Variants in EFL1 observed in about 807,000 individuals in gnomAD.
EFL1 encodes the protein elongation factor like GTPase 1.
Under a neutral mutation model 126.7 loss-of-function variants are expected in EFL1, and 76 were observed. That is an observed-to-expected ratio of 0.60 (90% CI 0.50 to 0.73). The LOEUF (loss-of-function observed/expected upper bound fraction) is 0.73, where lower values mean the gene tolerates loss of function less well. EFL1 is among the 30% of genes least tolerant of loss of function. The pLI, the probability that EFL1 is intolerant of heterozygous loss-of-function variation, is 0.00. For synonymous variants in EFL1, 410 were observed against 448.4 expected (o/e 0.91, Z 1.08); for missense variants, 1,128 against 1,343.2 (o/e 0.84, Z 2.50).
chr15:82,201,627 G>A (rs575461632), intron 15 of EFL1, among the ~76,000 whole-genome samples: 2 of 143,650 alleles, frequency 1.4e-5, no homozygotes, highest in African/African-American at 2.6e-5. Context: ...CTTTGTATTT[G>A]TGAACCATTA....
At chr15:82,150,489 C>T (rs1429614140) in intron 18 of EFL1, among the ~76,000 whole-genome samples, 1 of 152,070 alleles carries the variant, frequency 6.6e-6, no homozygotes, top group Non-Finnish European at 1.5e-5. Flanking sequence ...GTTCTGGGCA[C>T]TGTATTTAAA....
At chr15:82,206,287 C>G (rs1171547026) in intron 15 of EFL1, among the ~76,000 whole-genome samples, 1 of 151,564 alleles carries the variant, frequency 6.6e-6, no homozygotes, top group Non-Finnish European at 1.5e-5. Flanking sequence ...AAAGATGATA[C>G]ATAATATATT....
intron 15 of EFL1, among the ~76,000 whole-genome samples, chr15:82,182,153 A>C (rs1200060024): frequency 1.3e-5 from 2 of 152,198 alleles, no homozygotes; most frequent in African/African-American, 4.8e-5. Context: ...AGCTGTCAGG[A>C]GGCTGAGGCA....
intron 15 of EFL1, among the ~76,000 whole-genome samples, chr15:82,168,931 T>C (rs891858647): frequency 6.6e-6 from 1 of 152,202 alleles, no homozygotes; most frequent in African/African-American, 2.4e-5. Flanking sequence ...GCTGGCTTAC[T>C]ATCTTTGTAT....
At chr15:82,220,048 T>C in intron 13 of EFL1, 30 bp downstream of exon 13, 1 of 1,570,686 alleles carries the variant, frequency 6.4e-7, no homozygotes, top group Non-Finnish European at 8.6e-7. Flanking sequence ...GCAAATACTT[T>C]GCAACAGAGC....
At chr15:82,220,396 T>C (rs2074699434) in intron 12 of EFL1, among the ~76,000 whole-genome samples, 167 bp from the exon 13 acceptor site, 1 of 152,140 alleles carries the variant, frequency 6.6e-6, no homozygotes, top group South Asian at 2.1e-4. Flanking sequence ...TATCAGCCTC[T>C]CTCTAATAAT....
intron 4 of EFL1, 39 bp downstream of exon 4, chr15:82,252,652 A>T: frequency 6.7e-7 from 1 of 1,496,752 alleles, no homozygotes; most frequent in Non-Finnish European, 9.3e-7. Context: ...GACATGAAAG[A>T]TGCAAAGCTG....
At chr15:82,139,262 T>C (rs919720861) in intron 18 of EFL1, among the ~76,000 whole-genome samples, 11 of 152,230 alleles carry the variant, frequency 7.2e-5, no homozygotes, top group Non-Finnish European at 1.2e-4. Context: ...TAAGATGGCA[T>C]AGGCTATTTG....
chr15:82,162,341 G>C (rs905803735), intron 16 of EFL1, among the ~76,000 whole-genome samples: 1 of 152,186 alleles, frequency 6.6e-6, no homozygotes, highest in African/African-American at 2.4e-5. Flanking sequence ...TTTTTAAAAT[G>C]TATGTGCAAA....
chr15:82,165,659 C>T (rs2074071849), intron 15 of EFL1, among the ~76,000 whole-genome samples: 2 of 152,188 alleles, frequency 1.3e-5, no homozygotes, highest in African/African-American at 4.8e-5. Flanking sequence ...TCCCCATCTC[C>T]ACACATCGTT....
At chr15:82,190,212 T>C (rs1455683837) in intron 15 of EFL1, among the ~76,000 whole-genome samples, 1 of 152,200 alleles carries the variant, frequency 6.6e-6, no homozygotes, top group Non-Finnish European at 1.5e-5. Context: ...CAGTATTGAA[T>C]CTGTTCCTCA....
intron 11 of EFL1, 151 bp from the exon 12 acceptor site, chr15:82,225,415 A>G (rs1314971196): frequency 1.7e-6 from 1 of 588,940 alleles, no homozygotes; most frequent in Non-Finnish European, 2.9e-6. Context: ...TATGATAAAA[A>G]TTTTAATTAG....
chr15:82,190,561 T>A (rs1480106991), intron 15 of EFL1, among the ~76,000 whole-genome samples: 1 of 152,210 alleles, frequency 6.6e-6, no homozygotes, highest in Non-Finnish European at 1.5e-5. Flanking sequence ...GTGTAAGTGT[T>A]CAAATCGGTG....
At chr15:82,224,475 G>A (rs115400396) in intron 12 of EFL1, among the ~76,000 whole-genome samples, 10,024 of 152,242 alleles carry the variant, frequency 0.066, 488 homozygotes, top group African/African-American at 0.12. Context: ...TCAAGACAGT[G>A]AGGATCATTA....
At chr15:82,145,844 C>A (rs113994853) in intron 18 of EFL1, among the ~76,000 whole-genome samples, 101 of 137,938 alleles carry the variant, frequency 7.3e-4, no homozygotes, top group South Asian at 1.4e-3. Context: ...CTCAAAAAAC[C>A]AAAAAAAAAA....
At position 82,225,192 on chromosome 15, in the gene EFL1, G is replaced by A. The variant is rs749068117; in HGVS notation, c.1265C>T (p.Ala422Val). ...IFVSKMFAVD[A>V]KALPQNKPRP... ...TGGCTTATTCTGAGGCAAGGCCTTA[G>A]CATCAACTGCAAACATTTTGGAAAC... is the stretch of plus-strand genomic sequence containing the variant. The change falls in exon 12 of 20, where the codon GCT (alanine) becomes GTT (valine). Residue 422 changes from alanine to valine, a missense_variant. By Grantham distance (64) the Ala-to-Val change is moderately conservative. Transcript: ENST00000268206. 10 of 1,611,550 alleles carry A rather than the reference G, an allele frequency of 6.2e-6. No individual in the cohort carries two copies. The highest frequency in any genetic ancestry group is 8.5e-6 in the Non-Finnish European group (10 of 1,179,218).
At chr15:82,174,178 G>C (rs968657162) in intron 15 of EFL1, 3 of 147,134 alleles carry the variant, frequency 2.0e-5, no homozygotes, top group Admixed American at 2.0e-4. Context: ...GACAGAGCGA[G>C]ACTCCTCTCA....
intron 15 of EFL1, among the ~76,000 whole-genome samples, chr15:82,170,197 C>T (rs555072140): frequency 3.6e-4 from 53 of 145,678 alleles, no homozygotes; most frequent in African/African-American, 1.3e-3. Context: ...TCACTGCAAG[C>T]TCCGCCTCCC....
intron 15 of EFL1, among the ~76,000 whole-genome samples, chr15:82,211,483 G>A (rs1303767820): frequency 6.7e-6 from 1 of 150,088 alleles, no homozygotes; most frequent in Non-Finnish European, 1.5e-5. Flanking sequence ...CCGAGATTGT[G>A]CCAATGTACT....
Sources: gnomAD v4.1 joint callset for allele counts (sites outside exome capture counted in the v4.1 genomes callset) on GRCh38, gnomAD v4.1.1 for gene constraint, MANE v1.5 for transcripts, NCBI Gene and HGNC (gene_info 2026-07-23, HGNC 2026-07-21) for gene names.